Variants in STPG2 observed in about 807,000 individuals in gnomAD.
STPG2 encodes the protein sperm tail PG-rich repeat containing 2.
In STPG2, 56 loss-of-function variants were observed where a neutral mutation model predicts 54.2. The observed-to-expected ratio is 1.03, with a 90% CI of 0.83 to 1.29. The LOEUF (loss-of-function observed/expected upper bound fraction) is 1.29, where lower values mean the gene tolerates loss of function less well. Ranked by LOEUF, STPG2 falls within the 50% of genes most tolerant of loss-of-function variation. The pLI is 0.00. For missense variants in STPG2, 596 were observed against 544.9 expected, an observed-to-expected ratio of 1.09 and a Z score of -0.93; for synonymous variants, 200 against 181.8, an observed-to-expected ratio of 1.10 and a Z score of -0.81.
chr4:98,133,114 TTTAAA>T (rs1253733287), intron 2 of STPG2, among the ~76,000 whole-genome samples: 19 of 152,042 alleles, frequency 1.2e-4, no homozygotes, highest in African/African-American at 4.3e-4. Context: ...TCAGATTAAT[TTTAAA>T]CATTGTTTAT....
At chr4:97,831,476 A>G (rs1248018836) in intron 9 of STPG2, among the ~76,000 whole-genome samples, 2 of 152,132 alleles carry the variant, frequency 1.3e-5, no homozygotes, top group Non-Finnish European at 2.9e-5. Flanking sequence ...GAGAAGCAAC[A>G]GCAAACAAAT....
chr4:97,493,541 G>A (rs989321179), intron 4 of STPG2, among the ~76,000 whole-genome samples: 4 of 151,252 alleles, frequency 2.6e-5, no homozygotes, highest in Admixed American at 6.6e-5. Context: ...GAAAAAAAAA[G>A]GGATATACAA....
chr4:97,586,985 A>G (rs2148895251), intron 10 of STPG2, among the ~76,000 whole-genome samples: 1 of 151,948 alleles, frequency 6.6e-6, no homozygotes, highest in East Asian at 1.9e-4. Context: ...TATAACAAAT[A>G]TCATTCAGAT....
chr4:98,011,366 G>T (rs946285143), intron 5 of STPG2, among the ~76,000 whole-genome samples: 1 of 152,114 alleles, frequency 6.6e-6, no homozygotes, highest in African/African-American at 2.4e-5. Flanking sequence ...ATAATTGATT[G>T]GCATTTGGGT....
chr4:98,035,897 G>A (rs1736761028), intron 5 of STPG2, among the ~76,000 whole-genome samples: 1 of 152,012 alleles, frequency 6.6e-6, no homozygotes, highest in Non-Finnish European at 1.5e-5. Context: ...GATGAACAAT[G>A]AGAACACATG....
At chr4:97,784,445 G>A (rs2149075083) in intron 9 of STPG2, among the ~76,000 whole-genome samples, 1 of 151,992 alleles carries the variant, frequency 6.6e-6, no homozygotes, top group Non-Finnish European at 1.5e-5. Context: ...TCTTGCTATA[G>A]TAATGCTGTG....
chr4:97,496,709 C>G (rs966857592), intron 4 of STPG2, among the ~76,000 whole-genome samples: 2 of 151,712 alleles, frequency 1.3e-5, no homozygotes, highest in Non-Finnish European at 2.9e-5. Flanking sequence ...AAGGAAGTTC[C>G]CACAGAGCAA....
chr4:97,768,035 CGG>C (rs1560520024), intron 9 of STPG2, among the ~76,000 whole-genome samples: 62 of 152,048 alleles, frequency 4.1e-4, no homozygotes, highest in Middle Eastern at 3.4e-3. Flanking sequence ...GGCGTGGTGG[CGG>C]GCGTCTGTAG....
At chr4:97,871,081 A>T (rs968169623) in intron 8 of STPG2, among the ~76,000 whole-genome samples, 2 of 151,194 alleles carry the variant, frequency 1.3e-5, no homozygotes, top group African/African-American at 4.8e-5. Flanking sequence ...TGAAAATGAA[A>T]ATACAAATTC....
chr4:97,552,742 A>C (rs1402580105), intron 4 of STPG2, among the ~76,000 whole-genome samples: 2 of 152,200 alleles, frequency 1.3e-5, no homozygotes, highest in Admixed American at 6.5e-5. Context: ...GTAAAGAAAA[A>C]AATGAAAGAT....
chr4:97,615,743 T>C (rs996705965), intron 10 of STPG2, among the ~76,000 whole-genome samples: 19 of 151,934 alleles, frequency 1.3e-4, no homozygotes, highest in East Asian at 1.9e-4. Context: ...CTGTGTACCA[T>C]TGAGCAGACC....
At chr4:97,778,396 CAA>C (rs1726458023) in intron 9 of STPG2, among the ~76,000 whole-genome samples, 1 of 152,120 alleles carries the variant, frequency 6.6e-6, no homozygotes, top group Non-Finnish European at 1.5e-5. Context: ...GAGGGGCGTC[CAA>C]CATTGCTGAG....
At chr4:97,834,827 A>C (rs1363636903) in intron 9 of STPG2, among the ~76,000 whole-genome samples, 4 of 152,022 alleles carry the variant, frequency 2.6e-5, no homozygotes, top group Non-Finnish European at 5.9e-5. Flanking sequence ...GACCATACCT[A>C]CACTTTCTGA....
intron 8 of STPG2, among the ~76,000 whole-genome samples, chr4:97,940,074 G>A (rs1319634634): frequency 6.6e-6 from 1 of 152,082 alleles, no homozygotes; most frequent in Non-Finnish European, 1.5e-5. Flanking sequence ...TAACTTAGCT[G>A]GATATAAAAT....
intron 10 of STPG2, among the ~76,000 whole-genome samples, chr4:97,629,674 TACA>T (rs1465551095): frequency 6.6e-6 from 1 of 152,024 alleles, no homozygotes; most frequent in Non-Finnish European, 1.5e-5. Context: ...CAGTAAAAGT[TACA>T]ACACTAACCT....
At chr4:97,725,670 A>C (rs1232256677) in intron 9 of STPG2, among the ~76,000 whole-genome samples, 1 of 151,848 alleles carries the variant, frequency 6.6e-6, no homozygotes, top group Non-Finnish European at 1.5e-5. Context: ...TTTAAAAAAA[A>C]ATTCTATTGG....
At chr4:97,991,459 GTATATA>G (rs60388529) in intron 5 of STPG2, among the ~76,000 whole-genome samples, 36 of 146,634 alleles carry the variant, frequency 2.5e-4, no homozygotes, top group South Asian at 1.6e-3. Context: ...GTGTGTGTGT[GTATATA>G]TATATATGTA....
chr4:97,679,013 T>G lies in STPG2; in HGVS notation c.1320+33686A>C, dbSNP rs1406501197. On this transcript the variant is annotated intron_variant, in intron 10 of 10. Transcript: ENST00000295268. ...GTGTATATGTGCCACATTTTCTTAATCCAGTCTATCATTGTTGGACATTTG... is the reference window on the plus strand; with the variant it reads ...GTGTATATGTGCCACATTTTCTTAAGCCAGTCTATCATTGTTGGACATTTG... 2.4e-4 allele frequency among the ~76,000 whole-genome samples: 37 copies of G among 152,302 alleles called. No homozygotes were observed. In the East Asian group the frequency reaches 6.4e-3, roughly 26 times the overall value.
At chr4:97,813,550 A>G (rs558209413) in intron 9 of STPG2, among the ~76,000 whole-genome samples, 26 of 151,950 alleles carry the variant, frequency 1.7e-4, no homozygotes, top group African/African-American at 5.5e-4. Context: ...ACAGATTTCA[A>G]ATTTGTTTAG....
Sources: gnomAD v4.1 joint callset for allele counts (sites outside exome capture counted in the v4.1 genomes callset) on GRCh38, gnomAD v4.1.1 for gene constraint, MANE v1.5 for transcripts, NCBI Gene and HGNC (gene_info 2026-07-23, HGNC 2026-07-21) for gene names.